Variants in PPP1R13B observed in about 807,000 individuals in gnomAD.
PPP1R13B encodes apoptosis-stimulating of p53 protein 1.
PPP1R13B carries 44 observed loss-of-function variants against 119.8 expected under a neutral mutation model. The observed-to-expected ratio is 0.37, with a 90% confidence interval of 0.29 to 0.47. The LOEUF is 0.47. Ranked by LOEUF, PPP1R13B falls within the 20% of genes least tolerant of loss-of-function variation. PPP1R13B has a pLI of 0.99. For missense variants in PPP1R13B, 1,227 were observed against 1,413.5 expected (o/e 0.87, Z 2.12); for synonymous variants, 542 against 561.5 (o/e 0.97, Z 0.49).
intron 1 of PPP1R13B, among the ~76,000 whole-genome samples, chr14:103,809,826 A>AATTACT (rs2086104271): frequency 6.7e-6 from 1 of 149,322 alleles, no homozygotes; most frequent in East Asian, 2.1e-4. Context: ...CTTGTCTCAA[A>AATTACT]ATTATTATTA....
chr14:103,773,070 T>C (rs1280847884), intron 4 of PPP1R13B, among the ~76,000 whole-genome samples: 1 of 152,262 alleles, frequency 6.6e-6, no homozygotes. Flanking sequence ...GATTTGCTAG[T>C]ATTTTTCCTA....
chr14:103,739,157 A>T (rs2084185844), intron 12 of PPP1R13B, 134 bp from the exon 13 acceptor site: 2 of 1,252,426 alleles, frequency 1.6e-6, no homozygotes, highest in Non-Finnish European at 2.2e-6. Flanking sequence ...GAGTGGTAGC[A>T]GTAGCAGCGC....
chr14:103,780,343 T>C (rs764886589), intron 3 of PPP1R13B, among the ~76,000 whole-genome samples: 96 of 150,254 alleles, frequency 6.4e-4, no homozygotes, highest in Non-Finnish European at 1.1e-3. Flanking sequence ...AAAAATTAGC[T>C]GGGCGTGGTG....
intron 3 of PPP1R13B, among the ~76,000 whole-genome samples, chr14:103,779,050 G>A (rs979709253): frequency 6.6e-6 from 1 of 152,190 alleles, no homozygotes; most frequent in Non-Finnish European, 1.5e-5. Flanking sequence ...CACTTTGGGA[G>A]GCCAAAGCAG....
chr14:103,743,290 G>T (rs1039714679), intron 9 of PPP1R13B, among the ~76,000 whole-genome samples: 2 of 152,202 alleles, frequency 1.3e-5, no homozygotes, highest in Admixed American at 1.3e-4. Flanking sequence ...TTTAATTATT[G>T]AGATAAAAAT....
chr14:103,754,333 G>A, intron 5 of PPP1R13B, 89 bp from the exon 6 acceptor site: 2 of 1,291,888 alleles, frequency 1.5e-6, no homozygotes, highest in Non-Finnish European at 2.1e-6. Flanking sequence ...GAGAGGCTGA[G>A]GTAGGTGGAT....
intron 2 of PPP1R13B, among the ~76,000 whole-genome samples, chr14:103,787,393 A>G (rs2085493919): frequency 6.6e-6 from 1 of 151,944 alleles, no homozygotes; most frequent in South Asian, 2.1e-4. Context: ...GGTTGTGGAC[A>G]GCTGAGATCG....
chr14:103,795,323 A>G (rs527897730), intron 2 of PPP1R13B, among the ~76,000 whole-genome samples: 1 of 152,322 alleles, frequency 6.6e-6, no homozygotes, highest in East Asian at 1.9e-4. Context: ...GATGAGAGGC[A>G]AAGAATAAAT....
At chr14:103,739,049 A>T in intron 12 of PPP1R13B, 26 bp from the exon 13 acceptor site, 4 of 1,600,482 alleles carry the variant, frequency 2.5e-6, no homozygotes, top group Non-Finnish European at 2.6e-6. Flanking sequence ...CACGCTTTCC[A>T]GTTAAAGGTG....
intron 1 of PPP1R13B, among the ~76,000 whole-genome samples, chr14:103,823,174 T>C (rs1310476362): frequency 6.6e-6 from 1 of 151,766 alleles, no homozygotes; most frequent in Non-Finnish European, 1.5e-5. Context: ...CTGTCTCTAC[T>C]AAAAATACAA....
intron 1 of PPP1R13B, among the ~76,000 whole-genome samples, chr14:103,801,872 C>T (rs2085908053): frequency 2.0e-5 from 3 of 152,138 alleles, no homozygotes; most frequent in Admixed American, 2.0e-4. Context: ...AGCATCATCC[C>T]TCTTCCCTGA....
intron 2 of PPP1R13B, among the ~76,000 whole-genome samples, chr14:103,787,484 T>C (rs1266225737): frequency 6.7e-6 from 1 of 150,014 alleles, no homozygotes; most frequent in Non-Finnish European, 1.5e-5. Context: ...TCAGCTCACG[T>C]GCTCTATCAA....
chr14:103,839,393 T>A (rs116246209), intron 1 of PPP1R13B, among the ~76,000 whole-genome samples: 2,922 of 151,980 alleles, frequency 0.019, 101 homozygotes, highest in African/African-American at 0.067. Flanking sequence ...TTTGGGGGGT[T>A]GAGGCAGGCA....
intron 3 of PPP1R13B, among the ~76,000 whole-genome samples, chr14:103,781,218 G>A (rs1171862078): frequency 6.6e-6 from 1 of 152,208 alleles, no homozygotes; most frequent in African/African-American, 2.4e-5. Context: ...AGATAAGTGA[G>A]GGAGGGTATA....
intron 1 of PPP1R13B, among the ~76,000 whole-genome samples, chr14:103,839,365 G>A (rs1168541334): frequency 2.0e-5 from 3 of 151,790 alleles, no homozygotes; most frequent in East Asian, 4.0e-4. Context: ...AGTGGCTCAC[G>A]CCTGTTAACC....
In PPP1R13B at chr14:103,742,820, T is replaced by C; in HGVS notation, c.1154A>G (p.Asn385Ser). Residue 385 changes from asparagine (N) to serine (S), a missense_variant, in exon 10 of 17, where the codon AAT (asparagine) becomes AGT (serine). Transcript: ENST00000202556. This position sits in a 1 kb window ranked among gnomAD's most constrained non-coding sequence, Gnocchi z 4.9. ...NAAHGRSKSA[N>S]DGNWPTLKQN... ...TTTTAATGTTGGCCAGTTTCCATCA[T>C]TAGCTTGAAAAGAACACAGAACTTA... 6.2e-7 allele frequency: 1 copy of C among 1,614,008 alleles called. No individual in the cohort carries two copies. Among genetic ancestry groups the C allele is most frequent in the Non-Finnish European group, 8.5e-7 (1 of 1,180,014 alleles).
In PPP1R13B at chr14:103,740,629, C is replaced by T; in HGVS notation, c.1823-36G>A. 6.8e-7 allele frequency: 1 copy of T among 1,473,612 alleles called. No individual in the cohort carries two copies. Among genetic ancestry groups the T allele is most frequent in the Non-Finnish European group, 9.0e-7 (1 of 1,112,970 alleles). The allele number at this position is 1,473,612 out of a possible 1,614,324, so 91.3% of individuals were successfully genotyped here. A position where few individuals can be genotyped will look rare whatever the true frequency, so the allele number is the denominator to read the frequency against. On this transcript the variant is annotated intron_variant, in intron 11 of 16. Coordinates refer to ENST00000202556, the MANE Select transcript of PPP1R13B (RefSeq NM_015316.3). This position sits in a 1 kb window ranked among gnomAD's most constrained non-coding sequence, Gnocchi z 4.6. ...CACAAAGGACAGGCAATTTTGACCT[C>T]ACTACAGAGATCTAGTCATACACAC...
intron 1 of PPP1R13B, among the ~76,000 whole-genome samples, chr14:103,827,835 T>C (rs2086584010): frequency 6.6e-6 from 1 of 152,098 alleles, no homozygotes; most frequent in African/African-American, 2.4e-5. Context: ...ACCAAAAGTA[T>C]AAGCAGCTAC....
chr14:103,815,693 T>C (rs1330871357), intron 1 of PPP1R13B, among the ~76,000 whole-genome samples: 2 of 151,912 alleles, frequency 1.3e-5, no homozygotes, highest in African/African-American at 4.8e-5. Context: ...AGGTGGAGGT[T>C]GCACTGAGCC....
Sources: gnomAD v4.1 joint callset for allele counts (sites outside exome capture counted in the v4.1 genomes callset) on GRCh38, gnomAD v4.1.1 for gene constraint, Gnocchi (gnomAD v3.1) non-coding constraint, MANE v1.5 for transcripts, NCBI Gene and HGNC (gene_info 2026-07-23, HGNC 2026-07-21) for gene names.